Variants in TOX observed in about 807,000 individuals in gnomAD.
TOX encodes the protein thymocyte selection-associated high mobility group box protein TOX.
In TOX, 11 loss-of-function variants were observed where a neutral mutation model predicts 53.7. The observed-to-expected ratio is 0.20, with a 90% CI of 0.13 to 0.34. TOX has a LOEUF of 0.34. Ranked by LOEUF, TOX falls within the 10% of genes least tolerant of loss-of-function variation. The probability of loss-of-function intolerance (pLI) is 1.00; values close to 1 mark genes in which losing one functional copy is unlikely to be tolerated. For synonymous variants in TOX, 225 were observed against 245.3 expected (o/e 0.92, Z 0.77); for missense variants, 570 against 664.6 (o/e 0.86, Z 1.56).
chr8:58,882,408 C>T (rs1245501196), intron 3 of TOX, among the ~76,000 whole-genome samples: 1 of 152,188 alleles, frequency 6.6e-6, no homozygotes, highest in African/African-American at 2.4e-5. Flanking sequence ...GTTTGAGAAG[C>T]ATTTCTTAGT....
At chr8:58,893,330 A>C in intron 3 of TOX, among the ~76,000 whole-genome samples, 1 of 152,280 alleles carries the variant, frequency 6.6e-6, no homozygotes, top group Non-Finnish European at 1.5e-5. Context: ...TTCTCCGAAG[A>C]CATTGTTTAT....
intron 3 of TOX, among the ~76,000 whole-genome samples, chr8:58,934,927 T>TA (rs1192717269): frequency 6.6e-6 from 1 of 152,230 alleles, no homozygotes; most frequent in Admixed American, 6.5e-5. Context: ...AATTACTGAC[T>TA]AAGCCATTAA....
At chr8:58,869,424 A>C (rs1811160877) in intron 3 of TOX, among the ~76,000 whole-genome samples, 1 of 152,134 alleles carries the variant, frequency 6.6e-6, no homozygotes, top group African/African-American at 2.4e-5. Flanking sequence ...TCCAAAAAAA[A>C]TCACTAGTCC....
chr8:59,010,173 T>G (rs1321882209), intron 1 of TOX, among the ~76,000 whole-genome samples: 1 of 152,190 alleles, frequency 6.6e-6, no homozygotes, highest in Non-Finnish European at 1.5e-5. Flanking sequence ...GCCAGATACT[T>G]AAAATCTGGA....
intron 3 of TOX, among the ~76,000 whole-genome samples, chr8:58,898,144 A>G (rs528637054): frequency 1.3e-5 from 2 of 152,330 alleles, no homozygotes; most frequent in South Asian, 4.1e-4. Context: ...AAATATCAGA[A>G]AGAGTTTTCA....
At chr8:59,025,836 C>T (rs1814225770) in intron 1 of TOX, among the ~76,000 whole-genome samples, 1 of 152,202 alleles carries the variant, frequency 6.6e-6, no homozygotes, top group Admixed American at 6.5e-5. Flanking sequence ...CATAGGACTG[C>T]CTTCCCCATG....
chr8:59,029,029 C>A (rs958481222), intron 1 of TOX, among the ~76,000 whole-genome samples: 16 of 152,200 alleles, frequency 1.1e-4, no homozygotes, highest in African/African-American at 3.9e-4. Flanking sequence ...GATAATTGCT[C>A]GTTTTGGGAC....
At chr8:58,843,262 A>G (rs1236040206) in intron 4 of TOX, among the ~76,000 whole-genome samples, 1 of 152,212 alleles carries the variant, frequency 6.6e-6, no homozygotes, top group African/African-American at 2.4e-5. Flanking sequence ...ATCTGAGAAG[A>G]CCAATCTAAA....
chr8:58,920,718 C>CA (rs1812053315), intron 3 of TOX, among the ~76,000 whole-genome samples: 2 of 13,684 alleles, frequency 1.5e-4, no homozygotes, highest in Non-Finnish European at 1.9e-4. Context: ...AAAAAAAAAA[C>CA]ATTAAAAAAA....
At chr8:58,808,329 CTAAA>C in intron 7 of TOX, 60 bp from the exon 8 acceptor site, 2 of 1,553,696 alleles carry the variant, frequency 1.3e-6, no homozygotes, top group Non-Finnish European at 1.7e-6. Flanking sequence ...AGAAAAGCAC[CTAAA>C]TATTTATTCA....
intron 1 of TOX, among the ~76,000 whole-genome samples, chr8:59,029,053 A>C (rs1814300340): frequency 6.6e-6 from 1 of 152,162 alleles, no homozygotes; most frequent in Non-Finnish European, 1.5e-5. Context: ...AATACTTTAC[A>C]ACTAAAGTAC....
At chr8:58,987,872 C>T (rs1481907258) in intron 1 of TOX, among the ~76,000 whole-genome samples, 1 of 152,144 alleles carries the variant, frequency 6.6e-6, no homozygotes, top group Non-Finnish European at 1.5e-5. Flanking sequence ...TCCCCACTCC[C>T]AAGGGTTGGT....
chr8:58,855,038 T>C (rs1810891395), intron 3 of TOX, among the ~76,000 whole-genome samples: 1 of 152,196 alleles, frequency 6.6e-6, no homozygotes, highest in Non-Finnish European at 1.5e-5. Flanking sequence ...AGTAGCAGAA[T>C]ATTATTTCCT....
chr8:59,021,138 AT>A (rs1424212570), intron 1 of TOX, among the ~76,000 whole-genome samples: 1 of 151,140 alleles, frequency 6.6e-6, no homozygotes, highest in African/African-American at 2.4e-5. Context: ...GAGTTGTAAA[AT>A]TTAATTTCTC....
At chr8:59,033,373 C>G (rs745673937) in intron 1 of TOX, among the ~76,000 whole-genome samples, 2 of 152,164 alleles carry the variant, frequency 1.3e-5, no homozygotes, top group Non-Finnish European at 2.9e-5. Context: ...AAGTTGCTGG[C>G]AGAGGGAAGA....
At chr8:59,017,010 C>T (rs1013235496) in intron 1 of TOX, among the ~76,000 whole-genome samples, 5 of 152,190 alleles carry the variant, frequency 3.3e-5, no homozygotes, top group African/African-American at 1.2e-4. Context: ...CTACATTGCT[C>T]CTTCACTGTT....
At chr8:59,034,618 G>A (rs1814421099) in intron 1 of TOX, among the ~76,000 whole-genome samples, 1 of 152,206 alleles carries the variant, frequency 6.6e-6, no homozygotes, top group South Asian at 2.1e-4. Context: ...GACAGCTGAA[G>A]AGTTCTCTGC....
At chr8:59,049,035 C>G (rs538146870) in intron 1 of TOX, among the ~76,000 whole-genome samples, 4 of 152,026 alleles carry the variant, frequency 2.6e-5, no homozygotes, top group African/African-American at 9.7e-5. Context: ...ATCTATTCCA[C>G]TGACTCATTT....
chr8:58,849,804 A>T (rs558744661), intron 4 of TOX, among the ~76,000 whole-genome samples: 1 of 152,322 alleles, frequency 6.6e-6, no homozygotes, highest in South Asian at 2.1e-4. Context: ...TCGCCTTACA[A>T]TATAGTACAT....
Sources: allele counts gnomAD v4.1 joint callset (sites outside exome capture counted in the v4.1 genomes callset), GRCh38; gene constraint gnomAD v4.1.1; transcripts MANE v1.5; gene names NCBI Gene and HGNC (gene_info 2026-07-23, HGNC 2026-07-21).